Variants in FARS2 observed in about 807,000 individuals in gnomAD.
FARS2 encodes the protein phenylalanyl-tRNA synthetase 2, mitochondrial.
In FARS2, 40 loss-of-function variants were observed where a neutral mutation model predicts 46.4. The ratio of observed to expected loss-of-function variants is 0.86; its 90% CI spans 0.67 to 1.12. FARS2 has a LOEUF of 1.12. FARS2 is among the 50% of genes most tolerant of loss of function. The pLI is 0.00. For missense variants in FARS2, 513 were observed against 567.9 expected (o/e 0.90, Z 0.98); for synonymous variants, 234 against 214.9 (o/e 1.09, Z -0.78).
intron 6 of FARS2, among the ~76,000 whole-genome samples, chr6:5,625,800 C>T (rs182460912): frequency 1.0e-3 from 156 of 152,288 alleles, no homozygotes; most frequent in Non-Finnish European, 1.9e-3. Context: ...CAAGGCTGCC[C>T]GCCTGCCCTG....
chr6:5,508,431 A>T (rs1357627289), intron 4 of FARS2, among the ~76,000 whole-genome samples: 3 of 152,234 alleles, frequency 2.0e-5, no homozygotes, highest in Non-Finnish European at 4.4e-5. Context: ...AAGTGAGTGA[A>T]CACATGACAG....
chr6:5,321,875 A>G (rs976634303), intron 1 of FARS2, among the ~76,000 whole-genome samples: 1 of 152,208 alleles, frequency 6.6e-6, no homozygotes, highest in Non-Finnish European at 1.5e-5. Context: ...CTGCTTTCAT[A>G]TGGGTGTTAT....
rs35213574 is a variant in FARS2 at position 5,444,092 on chromosome 6, CGT to C, written c.904+12953_904+12954del. Reference sequence around the variant, plus strand: ...AAGCCACTGATATATGGAAGATCCTCGTGTGTGTGTGTGTGTGTGTGTGTGTG... The same window carrying C: ...AAGCCACTGATATATGGAAGATCCTCGTGTGTGTGTGTGTGTGTGTGTGTG... On this transcript the variant is annotated intron_variant, in intron 4 of 6. Coordinates refer to ENST00000274680, the MANE Select transcript of FARS2 (RefSeq NM_006567.5). Among the ~76,000 whole-genome samples the C allele has an allele frequency of 2.4e-3, 354 of 146,256 alleles. 3 individuals are homozygous for C. Among genetic ancestry groups the C allele is most frequent in the Middle Eastern group, 0.01 (3 of 288 alleles).
intron 6 of FARS2, among the ~76,000 whole-genome samples, chr6:5,635,125 G>A (rs1170906872): frequency 6.6e-6 from 1 of 152,168 alleles, no homozygotes; most frequent in East Asian, 1.9e-4. Flanking sequence ...ACAGTGAACC[G>A]ACCTTAGAAG....
rs373011248 is a variant in FARS2, at chr6:5,506,312, C to T, written c.905-38868C>T. 1.2e-4 allele frequency among the ~76,000 whole-genome samples: 18 copies of T among 152,314 alleles called. No individual in the cohort carries two copies. The East Asian group carries it at 2.9e-3, about 24-fold the overall frequency. On this transcript the variant is annotated intron_variant, in intron 4 of 6. Coordinates refer to ENST00000274680, the MANE Select transcript of FARS2 (RefSeq NM_006567.5). ...GGGCAGGGTGTGGGGTCAGGAGAGT[C>T]ACTCTAACGGAAGTTTTTTAGCAGA...
chr6:5,509,709 G>A (rs911375587), intron 4 of FARS2, among the ~76,000 whole-genome samples: 2 of 152,194 alleles, frequency 1.3e-5, no homozygotes, highest in Non-Finnish European at 2.9e-5. Context: ...AGGAAAGACT[G>A]AGCGTGGGGA....
At position 5,330,989 on chromosome 6, in the gene FARS2, G is replaced by A. The variant is rs570255606; in HGVS notation, c.-21-37561G>A. 1.1e-4 allele frequency among the ~76,000 whole-genome samples: 17 copies of A among 151,680 alleles called. No homozygotes were observed. In the South Asian group the frequency reaches 3.1e-3, roughly 28 times the overall value. ...GGTGCGGTGGTATGGTCTGTAGTCC[G>A]AGCTACTTGCGGGGCTGAAGCCGGA... On this transcript the variant is annotated intron_variant, in intron 1 of 6. Transcript: ENST00000274680.
chr6:5,709,995 T>C (rs13210778), intron 6 of FARS2, among the ~76,000 whole-genome samples: 80,803 of 152,020 alleles, frequency 0.53, 22,090 homozygotes, highest in Non-Finnish European at 0.57. Flanking sequence ...ACGCATATCA[T>C]TTCTATGGGC....
chr6:5,603,532 G>T (rs1201412400), intron 5 of FARS2, among the ~76,000 whole-genome samples: 1 of 152,210 alleles, frequency 6.6e-6, no homozygotes, highest in African/African-American at 2.4e-5. Context: ...TAAGACCAAG[G>T]TGTTGGCAGG....
chr6:5,453,169 G>A (rs573154374), intron 4 of FARS2, among the ~76,000 whole-genome samples: 18 of 152,094 alleles, frequency 1.2e-4, no homozygotes, highest in Non-Finnish European at 2.1e-4. Flanking sequence ...CTGCAACATC[G>A]TTCTGTAAAG....
chr6:5,379,880 A>C (rs925559006), intron 2 of FARS2, among the ~76,000 whole-genome samples: 2 of 152,164 alleles, frequency 1.3e-5, no homozygotes, highest in Non-Finnish European at 2.9e-5. Context: ...GCCAGCTGGC[A>C]AAGGAAAATA....
chr6:5,389,279 G>A (rs1760335344), intron 2 of FARS2, among the ~76,000 whole-genome samples: 1 of 152,072 alleles, frequency 6.6e-6, no homozygotes, highest in East Asian at 1.9e-4. Context: ...GAGTACTATT[G>A]TTGAGTTCTC....
chr6:5,398,380 A>G (rs1207371732), intron 2 of FARS2, among the ~76,000 whole-genome samples: 1 of 152,178 alleles, frequency 6.6e-6, no homozygotes, highest in Non-Finnish European at 1.5e-5. Flanking sequence ...TGTATGGGTT[A>G]TAACCTATTA....
At chr6:5,438,239 A>C (rs898981697) in intron 4 of FARS2, among the ~76,000 whole-genome samples, 1,048 of 52,378 alleles carry the variant, frequency 0.02, no homozygotes, top group Middle Eastern at 0.029. Flanking sequence ...GCTTCTACCC[A>C]CCCCCCGCCC....
At chr6:5,341,876 A>T (rs1240410865) in intron 1 of FARS2, among the ~76,000 whole-genome samples, 1 of 152,192 alleles carries the variant, frequency 6.6e-6, no homozygotes, top group African/African-American at 2.4e-5. Flanking sequence ...TCAAGTTAAG[A>T]GGAAGGTAAA....
At chr6:5,626,050 G>C (rs761471265) in intron 6 of FARS2, among the ~76,000 whole-genome samples, 1 of 152,176 alleles carries the variant, frequency 6.6e-6, no homozygotes, top group African/African-American at 2.4e-5. Context: ...CAGGGAAGGT[G>C]TTATCATGAT....
At position 5,478,094 on chromosome 6, in the gene FARS2, C is replaced by G. The variant is rs201038752; in HGVS notation, c.904+46922C>G. On this transcript the variant is annotated intron_variant, in intron 4 of 6. Coordinates refer to ENST00000274680, the MANE Select transcript of FARS2 (RefSeq NM_006567.5). ...CCACCAACACACATACAATAAAACACTTAGTGCTTGGCACATATTAAACGT... is the reference window on the plus strand; with the variant it reads ...CCACCAACACACATACAATAAAACAGTTAGTGCTTGGCACATATTAAACGT... Among the ~76,000 whole-genome samples the G allele has an allele frequency of 4.6e-4, 14 of 30,300 alleles. No individual in the cohort carries two copies. The African/African-American group carries it at 5.7e-3, about 12-fold the overall frequency. The allele number at this position is 30,300 out of a possible 152,430, so 19.9% of individuals were successfully genotyped here.
At chr6:5,717,490 C>G (rs1156714742) in intron 6 of FARS2, among the ~76,000 whole-genome samples, 1 of 151,646 alleles carries the variant, frequency 6.6e-6, no homozygotes, top group Non-Finnish European at 1.5e-5. Context: ...TGGAATTTTG[C>G]CAGTTGTATC....
chr6:5,523,530 G>A (rs373856060), intron 4 of FARS2, among the ~76,000 whole-genome samples: 5 of 151,938 alleles, frequency 3.3e-5, no homozygotes, highest in African/African-American at 1.2e-4. Flanking sequence ...GCTGGTGGTT[G>A]GGTCCCCGCT....
Sources: gnomAD v4.1 joint callset for allele counts (sites outside exome capture counted in the v4.1 genomes callset) on GRCh38, gnomAD v4.1.1 for gene constraint, MANE v1.5 for transcripts, NCBI Gene and HGNC (gene_info 2026-07-23, HGNC 2026-07-21) for gene names.